The following CTNNA2 variants were observed in gnomAD, a reference collection of about 807,000 sequenced individuals.
The protein encoded by CTNNA2 is catenin alpha 2, also known as catenin alpha-2.
CTNNA2 carries 42 observed loss-of-function variants against 101.0 expected under a neutral mutation model. The ratio of observed to expected loss-of-function variants is 0.42; its 90% confidence interval spans 0.32 to 0.54. CTNNA2 has a LOEUF of 0.54. CTNNA2 is among the 20% of genes least tolerant of loss of function. The pLI, the probability that CTNNA2 is intolerant of heterozygous loss-of-function variation, is 0.14. For synonymous variants in CTNNA2, 450 were observed against 456.4 expected, an observed-to-expected ratio of 0.99 and a Z score of 0.18; for missense variants, 871 against 1,223.1, an observed-to-expected ratio of 0.71 and a Z score of 4.29.
rs370951766 is a variant in CTNNA2, at chr2:80,333,169, C to T, written c.1057-60042C>T. Among the ~76,000 whole-genome samples, 839 of 152,242 alleles carry T rather than the reference C, an allele frequency of 5.5e-3. 11 individuals are homozygous for T. The highest frequency in any genetic ancestry group is 0.019 in the African/African-American group (795 of 41,548). On this transcript the variant is annotated intron_variant, in intron 7 of 18. Coordinates refer to ENST00000402739, the MANE Select transcript of CTNNA2 (RefSeq NM_001282597.3). Reference sequence around the variant, plus strand: ...AAAGTTTTCGGATCCCTGTATTGGTCTATTGACTCAGAGTAACTAGGAATT... The same window carrying T: ...AAAGTTTTCGGATCCCTGTATTGGTTTATTGACTCAGAGTAACTAGGAATT...
At chr2:80,402,053 G>A (rs1678597782) in intron 8 of CTNNA2, among the ~76,000 whole-genome samples, 4 of 152,180 alleles carry the variant, frequency 2.6e-5, no homozygotes, top group African/African-American at 9.7e-5. Context: ...TGACTGACCA[G>A]CTATACATTG....
intron 7 of CTNNA2, among the ~76,000 whole-genome samples, chr2:79,941,125 G>C (rs1688132006): frequency 6.6e-6 from 1 of 152,140 alleles, no homozygotes; most frequent in Non-Finnish European, 1.5e-5. Flanking sequence ...TCCCAGCATT[G>C]CTCTCGTGTT....
chr2:79,259,080 A>G (rs1301352042), intron 2 of CTNNA2, among the ~76,000 whole-genome samples: 1 of 152,180 alleles, frequency 6.6e-6, no homozygotes, highest in Non-Finnish European at 1.5e-5. Flanking sequence ...TAAGTTTAAG[A>G]ACTGGGGAAG....
chr2:79,964,513 G>A (rs1689886428), intron 7 of CTNNA2, among the ~76,000 whole-genome samples: 1 of 151,988 alleles, frequency 6.6e-6, no homozygotes. Flanking sequence ...TTTGAAAAAT[G>A]TCATTAAAAG....
chr2:79,239,932 C>CTTTTTT (rs746189807), intron 2 of CTNNA2, among the ~76,000 whole-genome samples: 3 of 109,286 alleles, frequency 2.7e-5, no homozygotes, highest in Non-Finnish European at 5.9e-5. Context: ...TTTTCTTTTT[C>CTTTTTT]TTTCTTTTTT....
intron 9 of CTNNA2, among the ~76,000 whole-genome samples, chr2:80,500,327 A>G (rs1023341739): frequency 6.6e-6 from 1 of 152,162 alleles, no homozygotes; most frequent in Non-Finnish European, 1.5e-5. Context: ...GCCATGATCC[A>G]CCATCCATTT....
At chr2:79,353,633 A>C (rs773006072) in intron 3 of CTNNA2, among the ~76,000 whole-genome samples, 2 of 152,114 alleles carry the variant, frequency 1.3e-5, no homozygotes, top group Non-Finnish European at 2.9e-5. Context: ...TTGTCATTCT[A>C]TGCCAATTTA....
chr2:79,442,142 AAGG>A (rs756778604), intron 4 of CTNNA2, among the ~76,000 whole-genome samples: 13 of 152,186 alleles, frequency 8.5e-5, no homozygotes, highest in Non-Finnish European at 1.8e-4. Context: ...ATGCTCCAGA[AAGG>A]AGGAAATTTC....
chr2:79,794,394 T>C (rs2105267373), intron 3 of CTNNA2, among the ~76,000 whole-genome samples: 1 of 151,984 alleles, frequency 6.6e-6, no homozygotes, highest in Middle Eastern at 3.5e-3. Flanking sequence ...AACCTCAAAG[T>C]GAGTATTTAT....
At chr2:79,742,825 C>T (rs1459939062) in intron 2 of CTNNA2, among the ~76,000 whole-genome samples, 2 of 152,132 alleles carry the variant, frequency 1.3e-5, no homozygotes, top group Non-Finnish European at 2.9e-5. Context: ...ATTCACTCTA[C>T]CTAATTATTT....
intron 4 of CTNNA2, among the ~76,000 whole-genome samples, chr2:79,412,709 C>T (rs577453743): frequency 6.6e-6 from 1 of 152,114 alleles, no homozygotes; most frequent in East Asian, 1.9e-4. Context: ...AGAACAAAGA[C>T]ACAGCATACC....
chr2:79,312,504 G>A (rs576534734), intron 2 of CTNNA2, among the ~76,000 whole-genome samples: 1 of 152,236 alleles, frequency 6.6e-6, no homozygotes, highest in South Asian at 2.1e-4. Context: ...ATTATGACAG[G>A]CACCTGTTAG....
intron 6 of CTNNA2, among the ~76,000 whole-genome samples, chr2:79,895,696 T>TG (rs1684660654): frequency 6.6e-6 from 1 of 150,934 alleles, no homozygotes; most frequent in Admixed American, 6.6e-5. Flanking sequence ...TTCTTAATTT[T>TG]TTTTTTTTTT....
intron 2 of CTNNA2, among the ~76,000 whole-genome samples, chr2:79,266,634 C>T (rs1353457611): frequency 6.6e-6 from 1 of 151,972 alleles, no homozygotes; most frequent in East Asian, 1.9e-4. Flanking sequence ...AGCAAGATCT[C>T]GGTGGTGGTG....
intron 7 of CTNNA2, among the ~76,000 whole-genome samples, chr2:80,057,902 C>G (rs1172913517): frequency 1.3e-5 from 2 of 152,060 alleles, no homozygotes; most frequent in Non-Finnish European, 2.9e-5. Flanking sequence ...CGCAGATACC[C>G]CTCTTGCTTT....
In CTNNA2 at chr2:79,441,089, T is replaced by A. The variant is rs1678772873; in HGVS notation, c.-134-63965T>A. On this transcript the variant is annotated intron_variant, in intron 4 of 21. Transcript: ENST00000466387. ...ATCCAGGAACTGACTGTTACAAAGG[T>A]ATTCACACCCCCAGAATGGAGCAGT... 2.0e-5 allele frequency among the ~76,000 whole-genome samples: 3 copies of A among 152,164 alleles called. No homozygotes were observed. The South Asian group carries it at 6.2e-4, about 32-fold the overall frequency.
chr2:80,020,035 AG>A (rs1207261922), intron 7 of CTNNA2, among the ~76,000 whole-genome samples: 2 of 152,148 alleles, frequency 1.3e-5, no homozygotes. Flanking sequence ...AAAAAAAGAT[AG>A]AGGCACTGCT....
chr2:80,221,773 A>G (rs1006608), intron 7 of CTNNA2, among the ~76,000 whole-genome samples: 37,584 of 152,156 alleles, frequency 0.25, 7,556 homozygotes, highest in African/African-American at 0.55. Flanking sequence ...GAAGGAAAGG[A>G]TGAGGTGGTA....
chr2:79,377,400 C>T (rs1265438660), intron 4 of CTNNA2, among the ~76,000 whole-genome samples: 2 of 152,174 alleles, frequency 1.3e-5, no homozygotes, highest in African/African-American at 2.4e-5. Context: ...CACTGAAGTA[C>T]ACCAGAAAGC....
Sources: allele counts gnomAD v4.1 joint callset (sites outside exome capture counted in the v4.1 genomes callset), GRCh38; gene constraint gnomAD v4.1.1; transcripts MANE v1.5; gene names NCBI Gene and HGNC (gene_info 2026-07-23, HGNC 2026-07-21).